SHISA9: variants seen among roughly 807,000 people sequenced by gnomAD.
SHISA9 encodes the protein shisa family member 9.
In SHISA9, 13 loss-of-function variants were observed where a neutral mutation model predicts 38.0. That is an observed-to-expected ratio of 0.34 (90% confidence interval 0.22 to 0.54). SHISA9 has a LOEUF of 0.54. SHISA9 is among the 20% of genes least tolerant of loss of function. The pLI is 0.91. For synonymous variants in SHISA9, 275 were observed against 242.0 expected, an observed-to-expected ratio of 1.14 and a Z score of -1.27; for missense variants, 538 against 575.8, an observed-to-expected ratio of 0.93 and a Z score of 0.67.
intron 2 of SHISA9, among the ~76,000 whole-genome samples, chr16:13,003,851 C>T (rs1053419750): frequency 7.1e-6 from 1 of 140,994 alleles, no homozygotes; most frequent in East Asian, 2.0e-4. Context: ...GAGCGAGACT[C>T]CGTCTCAAAA....
At chr16:13,003,927 A>G (rs1315132182) in intron 2 of SHISA9, among the ~76,000 whole-genome samples, 1 of 152,080 alleles carries the variant, frequency 6.6e-6, no homozygotes, top group Non-Finnish European at 1.5e-5. Context: ...CATCCATAAT[A>G]TTCTAGGTGA....
chr16:13,276,456 G>A, the SHISA9 span, among the ~76,000 whole-genome samples: 1 of 152,030 alleles, frequency 6.6e-6, no homozygotes, highest in African/African-American at 2.4e-5. Context: ...TGGATCAAAT[G>A]GTAATTCTAC....
intron 3 of SHISA9, among the ~76,000 whole-genome samples, chr16:13,206,255 T>G (rs1012448627): frequency 2.6e-5 from 4 of 152,134 alleles, no homozygotes; most frequent in Admixed American, 2.0e-4. Flanking sequence ...TAGTTTTGGT[T>G]CCCGAAAAAC....
chr16:13,275,578 A>G, the SHISA9 span, among the ~76,000 whole-genome samples: 1 of 152,082 alleles, frequency 6.6e-6, no homozygotes, highest in African/African-American at 2.4e-5. Flanking sequence ...TTTAGTTTAA[A>G]TAGTGGCATT....
At chr16:13,516,493 T>G in the SHISA9 span, among the ~76,000 whole-genome samples, 1,117 of 152,200 alleles carry the variant, frequency 7.3e-3, 17 homozygotes, top group African/African-American at 0.026. Context: ...ATTTGTGGGA[T>G]GAGTAGAAGA....
At chr16:13,319,434 G>A in the SHISA9 span, among the ~76,000 whole-genome samples, 1 of 152,190 alleles carries the variant, frequency 6.6e-6, no homozygotes, top group Non-Finnish European at 1.5e-5. Context: ...AGTCGTCAAA[G>A]TGACACTACG....
At chr16:13,415,386 AGAACACAT>A in the SHISA9 span, among the ~76,000 whole-genome samples, 1 of 152,208 alleles carries the variant, frequency 6.6e-6, no homozygotes, top group Non-Finnish European at 1.5e-5. Flanking sequence ...CTAAATGATG[AGAACACAT>A]GGACACATGG....
chr16:13,031,444 A>G (rs2072990176), intron 2 of SHISA9, among the ~76,000 whole-genome samples: 1 of 152,192 alleles, frequency 6.6e-6, no homozygotes, highest in East Asian at 1.9e-4. Context: ...GGCCAGTATG[A>G]TACAGGCACC....
chr16:13,392,236 A>G, the SHISA9 span, among the ~76,000 whole-genome samples: 94 of 152,294 alleles, frequency 6.2e-4, no homozygotes, highest in Non-Finnish European at 1.1e-3. Context: ...TGTTTTGGAA[A>G]TAGACTCTTT....
chr16:13,544,531 C>A, the SHISA9 span, among the ~76,000 whole-genome samples: 2 of 146,422 alleles, frequency 1.4e-5, no homozygotes, highest in African/African-American at 2.5e-5. Flanking sequence ...AAGCCAGAAG[C>A]AACCTTGGCT....
At chr16:13,052,695 T>C (rs543196728) in intron 2 of SHISA9, among the ~76,000 whole-genome samples, 1 of 152,174 alleles carries the variant, frequency 6.6e-6, no homozygotes, top group East Asian at 1.9e-4. Context: ...TTAACTTAAA[T>C]GTCTTTAACC....
the SHISA9 span, among the ~76,000 whole-genome samples, chr16:13,472,680 C>T: frequency 6.6e-6 from 1 of 151,870 alleles, no homozygotes; most frequent in African/African-American, 2.4e-5. Flanking sequence ...GCGTGAGCCA[C>T]AATGCCCGGC....
chr16:13,306,513 A>G, the SHISA9 span, among the ~76,000 whole-genome samples: 3 of 152,338 alleles, frequency 2.0e-5, no homozygotes, highest in Admixed American at 1.3e-4. Context: ...ACTTAATGAT[A>G]GCATTCTGAG....
intron 2 of SHISA9, among the ~76,000 whole-genome samples, chr16:13,072,652 A>G (rs900448285): frequency 6.6e-6 from 1 of 152,070 alleles, no homozygotes; most frequent in African/African-American, 2.4e-5. Context: ...ATTTTATTTT[A>G]AAAAAGTAAA....
chr16:13,498,248 T>A, the SHISA9 span, among the ~76,000 whole-genome samples: 7 of 152,092 alleles, frequency 4.6e-5, no homozygotes, highest in African/African-American at 1.7e-4. Context: ...TAAACAAAAA[T>A]TTTTTTAAAA....
chr16:13,538,311 C>G, the SHISA9 span, among the ~76,000 whole-genome samples: 2 of 152,288 alleles, frequency 1.3e-5, no homozygotes, highest in Admixed American at 1.3e-4. Context: ...AATACACTTT[C>G]TAGTCCCTGC....
chr16:13,123,053 G>A (rs914275378), intron 2 of SHISA9, among the ~76,000 whole-genome samples: 3 of 152,056 alleles, frequency 2.0e-5, no homozygotes, highest in African/African-American at 7.2e-5. Flanking sequence ...TCTCAAAAAA[G>A]ATATTATTAT....
the SHISA9 span, among the ~76,000 whole-genome samples, chr16:13,299,798 C>T: frequency 6.6e-6 from 1 of 152,126 alleles, no homozygotes; most frequent in African/African-American, 2.4e-5. Context: ...AAACAGATCT[C>T]TGTTCAAATC....
chr16:13,277,080 T>C, the SHISA9 span, among the ~76,000 whole-genome samples: 2 of 152,176 alleles, frequency 1.3e-5, no homozygotes, highest in Non-Finnish European at 2.9e-5. Context: ...CCATCTTGTG[T>C]TGATTTTTGT....
Sources: allele counts gnomAD v4.1 joint callset (sites outside exome capture counted in the v4.1 genomes callset), GRCh38; gene constraint gnomAD v4.1.1; transcripts MANE v1.5; gene names NCBI Gene and HGNC (gene_info 2026-07-23, HGNC 2026-07-21).